CTNND2: variants seen among roughly 807,000 people sequenced by gnomAD.
CTNND2 encodes the protein catenin delta 2.
In CTNND2, 22 loss-of-function variants were observed where a neutral mutation model predicts 144.4. The ratio of observed to expected loss-of-function variants is 0.15; its 90% CI spans 0.11 to 0.22. CTNND2 has a LOEUF of 0.22. CTNND2 is among the 10% of genes least tolerant of loss of function. The pLI is 1.00. For synonymous variants in CTNND2, 751 were observed against 695.6 expected, an observed-to-expected ratio of 1.08 and a Z score of -1.25; for missense variants, 1,353 against 1,618.8, an observed-to-expected ratio of 0.84 and a Z score of 2.82.
At chr5:11,179,051 T>A (rs1760749794) in intron 11 of CTNND2, among the ~76,000 whole-genome samples, 1 of 152,212 alleles carries the variant, frequency 6.6e-6, no homozygotes, top group Admixed American at 6.5e-5. Flanking sequence ...CTTGACTAAC[T>A]TTTCTCAATT....
intron 16 of CTNND2, among the ~76,000 whole-genome samples, chr5:11,025,859 C>G (rs957769649): frequency 2.0e-5 from 3 of 152,128 alleles, no homozygotes; most frequent in Non-Finnish European, 4.4e-5. Flanking sequence ...AATCTTGATT[C>G]CTCTCCTTCT....
chr5:11,507,782 C>A (rs1771206468), intron 3 of CTNND2, among the ~76,000 whole-genome samples: 1 of 152,170 alleles, frequency 6.6e-6, no homozygotes, highest in South Asian at 2.1e-4. Context: ...GTGTGCAGAT[C>A]ACAGCACGAG....
intron 3 of CTNND2, among the ~76,000 whole-genome samples, chr5:11,492,432 T>C (rs534598572): frequency 2.0e-4 from 30 of 152,248 alleles, no homozygotes; most frequent in Middle Eastern, 3.4e-3. Flanking sequence ...TGTAGATATC[T>C]GTACATATGT....
intron 11 of CTNND2, among the ~76,000 whole-genome samples, chr5:11,166,407 C>A (rs984784190): frequency 6.6e-6 from 1 of 151,574 alleles, no homozygotes; most frequent in African/African-American, 2.4e-5. Flanking sequence ...CACCACCACG[C>A]CCGGCTAAAT....
rs1055095440 is a variant in CTNND2, at chr5:10,981,852, A to G, written c.3344-6T>C. 6.2e-7 allele frequency: 1 copy of G among 1,612,176 alleles called. No homozygotes were observed. The highest frequency in any genetic ancestry group is 1.7e-5 in the Admixed American group (1 of 59,792). On this transcript the variant is annotated splice_polypyrimidine_tract_variant and splice_region_variant and intron_variant, in intron 20 of 21. Transcript: ENST00000304623. ...TGAAATTCCAGTGTTTTGAGCTAAAAGCAAAAGGAAAACAAAAGTTTAGCA... is the reference window on the plus strand; with the variant it reads ...TGAAATTCCAGTGTTTTGAGCTAAAGGCAAAAGGAAAACAAAAGTTTAGCA...
At chr5:11,718,887 T>C (rs1786506550) in intron 2 of CTNND2, among the ~76,000 whole-genome samples, 1 of 152,210 alleles carries the variant, frequency 6.6e-6, no homozygotes, top group African/African-American at 2.4e-5. Context: ...ACCATTGGAT[T>C]TCCTGATTTA....
intron 3 of CTNND2, among the ~76,000 whole-genome samples, chr5:11,449,847 C>T (rs1381922556): frequency 6.6e-6 from 1 of 152,196 alleles, no homozygotes; most frequent in Admixed American, 6.5e-5. Context: ...ACTGCCGTGG[C>T]TGGCACACAG....
chr5:11,530,645 A>G (rs1437188661), intron 3 of CTNND2, among the ~76,000 whole-genome samples: 2 of 152,178 alleles, frequency 1.3e-5, no homozygotes, highest in Non-Finnish European at 2.9e-5. Context: ...AAATACTAGA[A>G]TGTGTTATTT....
intron 2 of CTNND2, among the ~76,000 whole-genome samples, chr5:11,624,310 T>C (rs1198429692): frequency 6.6e-6 from 1 of 152,130 alleles, no homozygotes; most frequent in African/African-American, 2.4e-5. Context: ...ACATAAGAAC[T>C]CTCAGGTCAT....
intron 3 of CTNND2, among the ~76,000 whole-genome samples, chr5:11,546,867 G>A (rs1411836904): frequency 6.6e-6 from 1 of 152,128 alleles, no homozygotes; most frequent in Non-Finnish European, 1.5e-5. Context: ...AAGCTTATGA[G>A]ACAAATGACA....
At chr5:11,657,649 CA>C (rs1440724106) in intron 2 of CTNND2, among the ~76,000 whole-genome samples, 2 of 152,114 alleles carry the variant, frequency 1.3e-5, no homozygotes. Context: ...ACTGACAATA[CA>C]AATTGCAATT....
rs1445089254 is a variant in CTNND2, at chr5:11,149,990, C to T, written c.2159+9586G>A. On this transcript the variant is annotated intron_variant, in intron 12 of 21. Coordinates refer to ENST00000304623, the MANE Select transcript of CTNND2 (RefSeq NM_001332.4). The stretch of plus-strand genomic sequence containing the variant: ...GAGTAATGACTTTTACTTTCAATTG[C>T]TTCTCAATTCTGTTTCCAGAATAAG... 2.6e-5 allele frequency among the ~76,000 whole-genome samples: 4 copies of T among 152,170 alleles called. No homozygotes were observed. In the East Asian group the frequency reaches 5.8e-4, roughly 22 times the overall value.
intron 1 of CTNND2, among the ~76,000 whole-genome samples, chr5:11,744,607 AAC>A (rs1257772116): frequency 1.3e-5 from 2 of 152,108 alleles, no homozygotes; most frequent in African/African-American, 4.8e-5. Flanking sequence ...TGAGCCTCGA[AAC>A]ACTGCCAGAG....
chr5:11,517,558 C>A (rs766129532), intron 3 of CTNND2, among the ~76,000 whole-genome samples: 1 of 151,778 alleles, frequency 6.6e-6, no homozygotes, highest in Non-Finnish European at 1.5e-5. Context: ...ACTAATATAT[C>A]CATCACCTCA....
At position 11,903,748 on chromosome 5, in the gene CTNND2, G is replaced by C; in HGVS notation, c.37+69C>G. On this transcript the variant is annotated intron_variant, in intron 1 of 21. Coordinates refer to ENST00000304623, the MANE Select transcript of CTNND2 (RefSeq NM_001332.4). This position sits in a 1 kb window ranked among gnomAD's most constrained non-coding sequence, Gnocchi z 5.4. ...GGAGCCCAGGACCACCCCCACCAGCGGCAAGAGGAGGAGGACGGCGCCGGG... is the reference window on the plus strand; with the variant it reads ...GGAGCCCAGGACCACCCCCACCAGCCGCAAGAGGAGGAGGACGGCGCCGGG... 1 of 1,432,076 alleles carries C rather than the reference G, an allele frequency of 7.0e-7. No individual in the cohort carries two copies. Among genetic ancestry groups the C allele is most frequent in the Non-Finnish European group, 9.2e-7 (1 of 1,085,004 alleles). The allele number at this position is 1,432,076 out of a possible 1,614,324, so 88.7% of individuals were successfully genotyped here. A position where few individuals can be genotyped will look rare whatever the true frequency, so the allele number is the denominator to read the frequency against.
At chr5:11,588,846 G>A in intron 2 of CTNND2, 4 of 985,298 alleles carry the variant, frequency 4.1e-6, no homozygotes, top group Non-Finnish European at 4.8e-6. Flanking sequence ...CCTTCCCCAG[G>A]CTGTGGAGCA....
chr5:11,687,366 T>C (rs1304808183), intron 2 of CTNND2, among the ~76,000 whole-genome samples: 1 of 152,212 alleles, frequency 6.6e-6, no homozygotes, highest in Non-Finnish European at 1.5e-5. Context: ...CCTCCCACAG[T>C]CATTTCCAGG....
At chr5:11,805,530 A>T (rs1356129161) in intron 1 of CTNND2, among the ~76,000 whole-genome samples, 1 of 149,014 alleles carries the variant, frequency 6.7e-6, no homozygotes, top group African/African-American at 2.6e-5. Context: ...CAAATAAATA[A>T]ATGAACAATG....
At chr5:11,581,782 T>A (rs1778455903) in intron 2 of CTNND2, among the ~76,000 whole-genome samples, 1 of 152,226 alleles carries the variant, frequency 6.6e-6, no homozygotes, top group Non-Finnish European at 1.5e-5. Flanking sequence ...TCAAATTTGA[T>A]TGTTAACTTC....
Sources: gnomAD v4.1 joint callset for allele counts (sites outside exome capture counted in the v4.1 genomes callset) on GRCh38, gnomAD v4.1.1 for gene constraint, Gnocchi (gnomAD v3.1) non-coding constraint, MANE v1.5 for transcripts, NCBI Gene and HGNC (gene_info 2026-07-23, HGNC 2026-07-21) for gene names.